EYS: variants seen among roughly 807,000 people sequenced by gnomAD.
EYS encodes the protein protein eyes shut homolog.
EYS carries 250 observed loss-of-function variants against 282.1 expected under a neutral mutation model. That is an observed-to-expected ratio of 0.89 (90% CI 0.80 to 0.98). The LOEUF (loss-of-function observed/expected upper bound fraction) is 0.98. EYS is among the 50% of genes least tolerant of loss of function. EYS has a pLI of 0.00. For synonymous variants in EYS, 1,355 were observed against 1,282.9 expected (o/e 1.06, Z -1.20); for missense variants, 4,016 against 3,709.0 (o/e 1.08, Z -2.15).
chr6:63,774,260 C>A (rs1347245179), intron 40 of EYS, among the ~76,000 whole-genome samples: 2 of 152,008 alleles, frequency 1.3e-5, no homozygotes, highest in East Asian at 3.9e-4. Flanking sequence ...CTTCTGCCTC[C>A]CAGGTTCAAG....
chr6:64,858,938 T>A (rs1175425278), intron 19 of EYS, among the ~76,000 whole-genome samples: 1 of 152,088 alleles, frequency 6.6e-6, no homozygotes, highest in Non-Finnish European at 1.5e-5. Context: ...AGCATGTCCA[T>A]CCTCACCACT....
chr6:64,815,127 CT>C, intron 21 of EYS: 1 of 362,542 alleles, frequency 2.8e-6, no homozygotes, highest in South Asian at 2.0e-5. Context: ...ATGCCTGGAA[CT>C]TAGATAGTGA....
At chr6:64,066,550 A>C (rs1771379717) in intron 32 of EYS, 59 bp from the exon 33 acceptor site, 1 of 1,199,086 alleles carries the variant, frequency 8.3e-7, no homozygotes, top group African/African-American at 1.5e-5. Context: ...ATTGGTTAAC[A>C]ATAATTAAAC....
At chr6:65,061,943 G>A (rs1773586851) in intron 12 of EYS, among the ~76,000 whole-genome samples, 1 of 151,474 alleles carries the variant, frequency 6.6e-6, no homozygotes, top group Non-Finnish European at 1.5e-5. Context: ...ATTTTTTTGT[G>A]GTCTGTCCTA....
At chr6:64,358,751 T>G (rs1771914318) in intron 29 of EYS, among the ~76,000 whole-genome samples, 1 of 151,660 alleles carries the variant, frequency 6.6e-6, no homozygotes, top group Admixed American at 6.6e-5. Context: ...AAGAATTCAA[T>G]GCCAGAAAAT....
chr6:64,081,922 GT>G lies in EYS; in HGVS notation c.6504del (p.Glu2168AspfsTer10), dbSNP rs1562190853. On this transcript the variant is annotated frameshift_variant, in exon 32 of 43. Transcript: ENST00000503581. LOFTEE classifies it high-confidence loss of function. ...AAGTAGATGGTAACAGTTCTGTTAT[GT>G]TCCTTCTCCAGGACAAACTTCAAAA... ...LPFLKFVLEK[E>X]HNRTVTIYLT... The G allele has an allele frequency of 6.5e-7, 1 of 1,542,806 alleles. No homozygotes were observed. The highest frequency in any genetic ancestry group is 2.0e-5 in the Admixed American group (1 of 50,900).
intron 5 of EYS, among the ~76,000 whole-genome samples, chr6:65,465,851 G>T (rs1764979867): frequency 6.6e-6 from 1 of 151,968 alleles, no homozygotes; most frequent in Admixed American, 6.6e-5. Context: ...TGTGTTGGCT[G>T]ATCCCAGCTA....
At chr6:63,769,225 G>T (rs183315125) in intron 40 of EYS, among the ~76,000 whole-genome samples, 1 of 151,566 alleles carries the variant, frequency 6.6e-6, no homozygotes, top group East Asian at 1.9e-4. Flanking sequence ...TAAAAGAAAA[G>T]TTGAAAAAAA....
intron 26 of EYS, among the ~76,000 whole-genome samples, chr6:64,469,345 T>C (rs1460167745): frequency 1.3e-5 from 2 of 152,132 alleles, no homozygotes; most frequent in African/African-American, 4.8e-5. Context: ...TATAATAAAA[T>C]ATAAAACAAG....
chr6:65,511,575 AT>A (rs964098697), intron 2 of EYS, among the ~76,000 whole-genome samples: 3 of 152,148 alleles, frequency 2.0e-5, no homozygotes, highest in South Asian at 2.1e-4. Context: ...GATTAGGTAA[AT>A]TTTTTTAATT....
rs1012388268 is a variant in EYS at position 64,337,114 on chromosome 6, T to C, written c.6079-30032A>G. Among the ~76,000 whole-genome samples, 15 of 151,754 alleles carry C rather than the reference T, an allele frequency of 9.9e-5. No homozygotes were observed. In the East Asian group the frequency reaches 1.4e-3, roughly 14 times the overall value. Reference sequence around the variant, plus strand: ...AATCCAAAGCCAGCAGAAGAAAGGATGTAACAAAGATCAGGGCAGAACTAA... The same window carrying C: ...AATCCAAAGCCAGCAGAAGAAAGGACGTAACAAAGATCAGGGCAGAACTAA... On this transcript the variant is annotated intron_variant, in intron 29 of 42. Coordinates refer to ENST00000503581, the MANE Select transcript of EYS (RefSeq NM_001142800.2).
intron 2 of EYS, among the ~76,000 whole-genome samples, chr6:65,616,518 T>G (rs1766203027): frequency 6.6e-6 from 1 of 152,184 alleles, no homozygotes; most frequent in Non-Finnish European, 1.5e-5. Flanking sequence ...CCGGGCGCAG[T>G]GGATCACACC....
chr6:63,956,421 ACT>A (rs1403668394), intron 35 of EYS, among the ~76,000 whole-genome samples: 1 of 151,652 alleles, frequency 6.6e-6, no homozygotes, highest in Non-Finnish European at 1.5e-5. Flanking sequence ...CCCTTCTCTG[ACT>A]CTCTTTTTGG....
At chr6:64,411,501 A>G (rs1055402677) in intron 28 of EYS, among the ~76,000 whole-genome samples, 1 of 152,158 alleles carries the variant, frequency 6.6e-6, no homozygotes, top group African/African-American at 2.4e-5. Context: ...AAAACAGAAA[A>G]TAAGACAATT....
chr6:65,676,563 G>C (rs1582591602), intron 1 of EYS, among the ~76,000 whole-genome samples: 1 of 151,616 alleles, frequency 6.6e-6, no homozygotes, highest in East Asian at 1.9e-4. Flanking sequence ...GAATCAATAA[G>C]CAAAAACCTC....
intron 26 of EYS, among the ~76,000 whole-genome samples, chr6:64,519,590 G>A (rs1350026255): frequency 1.3e-5 from 2 of 151,762 alleles, no homozygotes; most frequent in East Asian, 3.9e-4. Flanking sequence ...AAAAAACAGA[G>A]GAAGGCACTC....
intron 12 of EYS, among the ~76,000 whole-genome samples, chr6:65,081,512 A>G (rs1453634470): frequency 2.0e-5 from 3 of 152,104 alleles, no homozygotes; most frequent in Non-Finnish European, 2.9e-5. Context: ...ACTTCTCAAT[A>G]TTATTTAAAG....
At chr6:65,199,006 A>C (rs1292115237) in intron 12 of EYS, among the ~76,000 whole-genome samples, 1 of 152,054 alleles carries the variant, frequency 6.6e-6, no homozygotes, top group Non-Finnish European at 1.5e-5. Context: ...GCATGGTGTT[A>C]AGGAAGCATT....
In EYS at chr6:65,694,684, C is replaced by A. The variant is rs780473283; in HGVS notation, c.-448+12451G>T. ...TTATTTCACCTTCTGCAAATTGATG[C>A]ACTTGTGCAAAATGATGTTAACTAG... On this transcript the variant is annotated intron_variant, in intron 1 of 42. Coordinates refer to ENST00000503581, the MANE Select transcript of EYS (RefSeq NM_001142800.2). 3.4e-5 allele frequency among the ~76,000 whole-genome samples: 5 copies of A among 147,782 alleles called. 1 individual carries two copies. Among genetic ancestry groups the A allele is most frequent in the Non-Finnish European group, 7.4e-5 (5 of 67,340 alleles).
Sources: allele counts gnomAD v4.1 joint callset (sites outside exome capture counted in the v4.1 genomes callset), GRCh38; gene constraint gnomAD v4.1.1; transcripts MANE v1.5; gene names NCBI Gene and HGNC (gene_info 2026-07-23, HGNC 2026-07-21).